The following PRKACB variants were observed in gnomAD, a reference collection of about 807,000 sequenced individuals.
The protein encoded by PRKACB is cAMP-dependent protein kinase catalytic subunit beta.
PRKACB carries 16 observed loss-of-function variants against 51.4 expected under a neutral mutation model. The observed-to-expected ratio is 0.31, with a 90% CI of 0.21 to 0.47. The LOEUF is 0.47. PRKACB is among the 20% of genes least tolerant of loss of function. The pLI, the probability that PRKACB is intolerant of heterozygous loss-of-function variation, is 1.00. For synonymous variants in PRKACB, 147 were observed against 154.4 expected, an observed-to-expected ratio of 0.95 and a Z score of 0.35; for missense variants, 309 against 464.5, an observed-to-expected ratio of 0.67 and a Z score of 3.08.
chr1:84,217,845 A>G (rs1365782539), intron 9 of PRKACB, among the ~76,000 whole-genome samples: 2 of 151,886 alleles, frequency 1.3e-5, no homozygotes, highest in South Asian at 2.1e-4. Context: ...TCGAACTTCT[A>G]TTTTCTTTTA....
At chr1:84,117,957 A>G (rs957052452) in intron 1 of PRKACB, among the ~76,000 whole-genome samples, 11 of 152,144 alleles carry the variant, frequency 7.2e-5, no homozygotes, top group African/African-American at 2.7e-4. Flanking sequence ...TGTGCTCCCA[A>G]AATGGCACCT....
At chr1:84,203,969 T>C (rs1424645798) in intron 8 of PRKACB, among the ~76,000 whole-genome samples, 1 of 151,992 alleles carries the variant, frequency 6.6e-6, no homozygotes, top group Non-Finnish European at 1.5e-5. Context: ...ACAATTTCCA[T>C]TGTTAACTAT....
chr1:84,117,577 G>T (rs1427318615), intron 1 of PRKACB, among the ~76,000 whole-genome samples: 1 of 151,986 alleles, frequency 6.6e-6, no homozygotes, highest in East Asian at 1.9e-4. Flanking sequence ...AGCTTTTCCA[G>T]TTTGTCAGCA....
At chr1:84,151,842 G>A (rs372068659) in intron 1 of PRKACB, among the ~76,000 whole-genome samples, 175 of 152,114 alleles carry the variant, frequency 1.2e-3, no homozygotes, top group East Asian at 5.2e-3. Flanking sequence ...ATTTTAAACC[G>A]CTCAAACGCA....
Position 84,174,288 on chromosome 1 carries a change from T to C in PRKACB, c.188-4889T>C, listed in dbSNP as rs1311545328. On this transcript the variant is annotated intron_variant, in intron 1 of 9. Coordinates refer to ENST00000370685, the MANE Select transcript of PRKACB (RefSeq NM_182948.4). ...ATCGTCTCAGCCTAGGAGGTCTTTT[T>C]CCCCAACTTTATCTGCCAGAGGAAT... 2.6e-5 allele frequency among the ~76,000 whole-genome samples: 4 copies of C among 151,808 alleles called. No homozygotes were observed. In the Admixed American group the frequency reaches 2.6e-4, roughly 10 times the overall value.
upstream of PRKACB, among the ~76,000 whole-genome samples, chr1:84,141,730 C>T (rs968961865): frequency 2.0e-5 from 3 of 151,958 alleles, no homozygotes; most frequent in African/African-American, 7.2e-5. Flanking sequence ...AAAAATCTGG[C>T]TAGATGTGTT....
intron 9 of PRKACB, among the ~76,000 whole-genome samples, chr1:84,223,305 G>T (rs770388446): frequency 1.1e-4 from 17 of 149,272 alleles, no homozygotes; most frequent in Non-Finnish European, 1.5e-4. Context: ...GCTCTCAGTT[G>T]TATTTTTCAT....
At chr1:84,098,617 T>A (rs1649103796) in intron 1 of PRKACB, among the ~76,000 whole-genome samples, 1 of 152,044 alleles carries the variant, frequency 6.6e-6, no homozygotes, top group African/African-American at 2.4e-5. Flanking sequence ...GGGAGTACAA[T>A]ATGATTGCCA....
At chr1:84,109,991 A>G (rs1650084860) in intron 1 of PRKACB, among the ~76,000 whole-genome samples, 1 of 151,854 alleles carries the variant, frequency 6.6e-6, no homozygotes. Context: ...ATCATGCTTT[A>G]AAAGGCCTAC....
chr1:84,116,727 T>C (rs1421693387), intron 1 of PRKACB, among the ~76,000 whole-genome samples: 1 of 152,114 alleles, frequency 6.6e-6, no homozygotes, highest in Non-Finnish European at 1.5e-5. Context: ...GTGAAGTCTT[T>C]GGTTTTTCTA....
intron 1 of PRKACB, among the ~76,000 whole-genome samples, chr1:84,112,223 TTC>T (rs1168991752): frequency 7.0e-6 from 1 of 142,738 alleles, no homozygotes; most frequent in East Asian, 2.2e-4. Context: ...GTTGGACTGC[TTC>T]TTTTTTTTTT....
chr1:84,199,832 GTTTATTTA>G (rs3051183), intron 7 of PRKACB, among the ~76,000 whole-genome samples: 2 of 149,390 alleles, frequency 1.3e-5, no homozygotes, highest in South Asian at 2.1e-4. Flanking sequence ...TTGACTATTT[GTTTATTTA>G]TTTATTTATT....
intron 1 of PRKACB, among the ~76,000 whole-genome samples, chr1:84,111,056 C>T (rs1184321818): frequency 6.6e-6 from 1 of 152,022 alleles, no homozygotes; most frequent in Non-Finnish European, 1.5e-5. Context: ...TTCTCCCTGC[C>T]TTCAATTTCC....
chr1:84,223,830 T>C (rs76759071), intron 9 of PRKACB, among the ~76,000 whole-genome samples: 2,353 of 152,314 alleles, frequency 0.015, 66 homozygotes, highest in African/African-American at 0.053. Flanking sequence ...CATCATTTTT[T>C]GTTTAATTGG....
chr1:84,192,817 G>T (rs1334979625), intron 5 of PRKACB, among the ~76,000 whole-genome samples: 1 of 152,108 alleles, frequency 6.6e-6, no homozygotes, highest in Non-Finnish European at 1.5e-5. Flanking sequence ...TTACCAGCTG[G>T]AGTCTCAGAA....
At chr1:84,146,352 G>T (rs1026279215) in intron 1 of PRKACB, among the ~76,000 whole-genome samples, 1 of 151,846 alleles carries the variant, frequency 6.6e-6, no homozygotes, top group East Asian at 1.9e-4. Flanking sequence ...TATGTCTAAG[G>T]ATGAGTATGG....
intron 1 of PRKACB, among the ~76,000 whole-genome samples, chr1:84,082,514 C>T (rs577563034): frequency 4.6e-4 from 70 of 151,922 alleles, no homozygotes; most frequent in Non-Finnish European, 9.7e-4. Flanking sequence ...TATTTTTTCC[C>T]ATTTGTAAAT....
intron 8 of PRKACB, among the ~76,000 whole-genome samples, chr1:84,206,614 C>T (rs915926412): frequency 6.6e-5 from 10 of 152,176 alleles, no homozygotes; most frequent in African/African-American, 2.2e-4. Flanking sequence ...CAGCAACACT[C>T]ATTAAATACT....
intron 1 of PRKACB, among the ~76,000 whole-genome samples, chr1:84,129,593 C>T (rs1023504331): frequency 1.3e-5 from 2 of 152,116 alleles, no homozygotes; most frequent in Admixed American, 6.5e-5. Context: ...TTATCTTTTA[C>T]ATTTTTTATT....
Sources: gnomAD v4.1 joint callset for allele counts (sites outside exome capture counted in the v4.1 genomes callset) on GRCh38, gnomAD v4.1.1 for gene constraint, MANE v1.5 for transcripts, NCBI Gene and HGNC (gene_info 2026-07-23, HGNC 2026-07-21) for gene names.